Variants in TRIM2 observed in about 807,000 individuals in gnomAD.
TRIM2 encodes the protein tripartite motif-containing protein 2.
TRIM2 carries 20 observed loss-of-function variants against 75.2 expected under a neutral mutation model. The ratio of observed to expected loss-of-function variants is 0.27; its 90% CI spans 0.19 to 0.39. The LOEUF is 0.39. TRIM2 is among the 10% of genes least tolerant of loss of function. TRIM2 has a pLI of 1.00. For synonymous variants in TRIM2, 373 were observed against 388.3 expected, an observed-to-expected ratio of 0.96 and a Z score of 0.46; for missense variants, 660 against 990.8, an observed-to-expected ratio of 0.67 and a Z score of 4.48.
At position 153,248,090 on chromosome 4, in the gene TRIM2, G is replaced by C. The variant is rs138818300; in HGVS notation, c.31-22245G>C. 4.3e-3 allele frequency among the ~76,000 whole-genome samples: 648 copies of C among 151,710 alleles called. 2 individuals carry two copies. The highest frequency in any genetic ancestry group is 0.014 in the Middle Eastern group (4 of 294). On this transcript the variant is annotated intron_variant, in intron 1 of 11. Transcript: ENST00000338700. The surrounding 1 kb of genome is among the most constrained non-coding windows in gnomAD (Gnocchi z 4.0). ...TGCTCACTGGCGCGTCCGCCTCTGG[G>C]ATTCAAGCGATTCTTGTGCTTCAGC... is the stretch of plus-strand genomic sequence containing the variant.
Position 153,295,346 on chromosome 4 carries a change from G to A in TRIM2, c.820G>A (p.Gly274Arg), listed in dbSNP as rs780392881. ...GTCGCAGCTGGATACTCTGCTCCAG[G>A]GGCAGGAGAGCATTAAGAGCTGCAG... ...LQSQLDTLLQ[G>R]QESIKSCSNF... Residue 274 changes from glycine (G) to arginine (R), a missense_variant, in exon 6 of 12, where the codon GGG (glycine) becomes AGG (arginine). Around this residue, in one of 2 missense-constraint regions of TRIM2, gnomAD observed 620 missense variants for 891.0 expected, o/e 0.70. Transcript: ENST00000338700. This position sits in a 1 kb window ranked among gnomAD's most constrained non-coding sequence, Gnocchi z 7.2. The A allele has an allele frequency of 9.3e-6, 15 of 1,611,378 alleles. No individual in the cohort carries two copies. The East Asian group carries it at 3.3e-4, about 36-fold the overall frequency.
chr4:153,185,247 A>G (rs1732478276), intron 1 of TRIM2, among the ~76,000 whole-genome samples: 1 of 152,206 alleles, frequency 6.6e-6, no homozygotes. Context: ...CTTTCCACAC[A>G]CACAAAGAAA....
intron 8 of TRIM2, among the ~76,000 whole-genome samples, chr4:153,319,562 C>G (rs1055914455): frequency 2.0e-5 from 3 of 151,998 alleles, no homozygotes; most frequent in Non-Finnish European, 4.4e-5. Flanking sequence ...AATCCCATCT[C>G]TACTAAAAAC....
intron 11 of TRIM2, among the ~76,000 whole-genome samples, chr4:153,331,841 A>G (rs1235454077): frequency 6.6e-6 from 1 of 152,228 alleles, no homozygotes; most frequent in Non-Finnish European, 1.5e-5. Context: ...AATTGCTCCC[A>G]CAGTTGTACA....
intron 1 of TRIM2, among the ~76,000 whole-genome samples, chr4:153,175,940 A>G (rs967727106): frequency 4.6e-5 from 7 of 152,118 alleles, no homozygotes; most frequent in African/African-American, 1.7e-4. Flanking sequence ...CATACTTAGG[A>G]GGCTGAGGCG....
intron 1 of TRIM2, among the ~76,000 whole-genome samples, chr4:153,178,411 C>T (rs1002086213): frequency 2.0e-5 from 3 of 152,074 alleles, no homozygotes; most frequent in Non-Finnish European, 4.4e-5. Flanking sequence ...AGAGAACAAA[C>T]GATTAAAAAA....
Position 153,339,195 on chromosome 4 carries a change from G to A in TRIM2, c.*4229G>A. 3 of 985,800 alleles carry A rather than the reference G, an allele frequency of 3.0e-6. No individual in the cohort carries two copies. Among genetic ancestry groups the A allele is most frequent in the Non-Finnish European group, 3.6e-6 (3 of 829,898 alleles). The allele number at this position is 985,800 out of a possible 1,614,324, so 61.1% of individuals were successfully genotyped here. ...ACATACGTACCACAGTATTTTGGAT[G>A]CTTTAGTCTACAATGAAACTTTCAA... On this transcript the variant is annotated 3_prime_UTR_variant, in exon 12 of 12. Coordinates refer to ENST00000338700, the MANE Select transcript of TRIM2 (RefSeq NM_015271.5).
At chr4:153,333,305 G>A (rs1771902359) in intron 11 of TRIM2, among the ~76,000 whole-genome samples, 1 of 152,170 alleles carries the variant, frequency 6.6e-6, no homozygotes, top group African/African-American at 2.4e-5. Context: ...ATTAGTGGTT[G>A]GCAAGGATTA....
chr4:153,188,740 C>T (rs1199210775), intron 1 of TRIM2, among the ~76,000 whole-genome samples: 1 of 150,926 alleles, frequency 6.6e-6, no homozygotes, highest in Non-Finnish European at 1.5e-5. Context: ...ACCGGCCTTT[C>T]CCTGAAAACA....
chr4:153,280,958 A>G (rs1270929516), intron 3 of TRIM2, among the ~76,000 whole-genome samples: 1 of 152,238 alleles, frequency 6.6e-6, no homozygotes. Flanking sequence ...TGCTGGGATT[A>G]CAGGTGTGAG....
intron 1 of TRIM2, chr4:153,222,829 G>A (rs2149768046): frequency 1.3e-5 from 2 of 152,838 alleles, no homozygotes; most frequent in Middle Eastern, 3.3e-3. Flanking sequence ...CCTTCAGATC[G>A]CCTGAGGCTG....
At chr4:153,317,090 T>C (rs146981884) in intron 8 of TRIM2, among the ~76,000 whole-genome samples, 1,864 of 150,456 alleles carry the variant, frequency 0.012, 31 homozygotes, top group African/African-American at 0.043. Flanking sequence ...CCGTGTTAGC[T>C]AGGATGGTCT....
chr4:153,172,391 G>C (rs1730979930), intron 1 of TRIM2, among the ~76,000 whole-genome samples: 1 of 152,116 alleles, frequency 6.6e-6, no homozygotes, highest in Non-Finnish European at 1.5e-5. Flanking sequence ...GTTTCACCAT[G>C]TTAGCCAGGA....
chr4:153,226,279 G>T (rs1199476666), intron 1 of TRIM2, among the ~76,000 whole-genome samples: 5 of 152,152 alleles, frequency 3.3e-5, no homozygotes, highest in Middle Eastern at 3.2e-3. Context: ...GATGAAATTT[G>T]TCTATGCAGA....
At chr4:153,272,759 C>T (rs1757018645) in intron 2 of TRIM2, among the ~76,000 whole-genome samples, 1 of 151,266 alleles carries the variant, frequency 6.6e-6, no homozygotes, top group Non-Finnish European at 1.5e-5. Flanking sequence ...GCGTGAGCCA[C>T]TGCGTCCAGC....
At chr4:153,298,918 T>G (rs964588384) in intron 6 of TRIM2, among the ~76,000 whole-genome samples, 2 of 151,978 alleles carry the variant, frequency 1.3e-5, no homozygotes, top group African/African-American at 4.8e-5. Context: ...TTTTGTTTTT[T>G]TTTAGGGGTT....
At chr4:153,251,810 C>T (rs1426075392) in intron 1 of TRIM2, among the ~76,000 whole-genome samples, 2 of 151,972 alleles carry the variant, frequency 1.3e-5, no homozygotes, top group Non-Finnish European at 2.9e-5. Context: ...AAAACCCTGT[C>T]TCCATAAAAA....
In TRIM2 at chr4:153,295,072, A is replaced by G. The variant is rs1201065960; in HGVS notation, c.787-241A>G. Among the ~76,000 whole-genome samples, 1 of 152,256 alleles carries G rather than the reference A, an allele frequency of 6.6e-6. No homozygotes were observed. Among genetic ancestry groups the G allele is most frequent in the Non-Finnish European group, 1.5e-5 (1 of 68,036 alleles). On this transcript the variant is annotated intron_variant, in intron 5 of 11. Coordinates refer to ENST00000338700, the MANE Select transcript of TRIM2 (RefSeq NM_015271.5). The surrounding 1 kb of genome is among the most constrained non-coding windows in gnomAD (Gnocchi z 7.2). ...TTCTGTTTTCCCCTCTCCAAAACAC[A>G]TGAGCCAAGAAATACATGTGTGGAA...
rs372652394 is a variant in TRIM2, at chr4:153,324,161, C to T, written c.2022+13C>T. The T allele has an allele frequency of 1.4e-4, 228 of 1,604,808 alleles. No homozygotes were observed. In the African/African-American group the frequency reaches 2.8e-3, roughly 19 times the overall value. The stretch of plus-strand genomic sequence containing the variant: ...TCATTCTGTCAAGGTACTACAAGCA[C>T]ATGAGTTGTTGTTAACTTTTAACTG... On this transcript the variant is annotated intron_variant, in intron 10 of 11. Coordinates refer to ENST00000338700, the MANE Select transcript of TRIM2 (RefSeq NM_015271.5).
Sources: allele counts gnomAD v4.1 joint callset (sites outside exome capture counted in the v4.1 genomes callset), GRCh38; gene constraint gnomAD v4.1.1; regional missense constraint gnomAD v4.1.1; non-coding constraint Gnocchi (gnomAD v3.1); transcripts MANE v1.5; gene names NCBI Gene and HGNC (gene_info 2026-07-23, HGNC 2026-07-21).